Variants in SNX10 observed in about 807,000 individuals in gnomAD.
SNX10 encodes sorting nexin 10, also known as sorting nexin-10.
Under a neutral mutation model 28.5 loss-of-function variants are expected in SNX10, and 25 were observed. The ratio of observed to expected loss-of-function variants is 0.88; its 90% CI spans 0.64 to 1.22. The LOEUF (loss-of-function observed/expected upper bound fraction) is 1.22. Ranked by LOEUF, SNX10 falls within the 50% of genes most tolerant of loss-of-function variation. The probability of loss-of-function intolerance (pLI) is 0.00; values close to 1 mark genes in which losing one functional copy is unlikely to be tolerated. For missense variants in SNX10, 223 were observed against 242.6 expected, an observed-to-expected ratio of 0.92 and a Z score of 0.54; for synonymous variants, 62 against 81.4, an observed-to-expected ratio of 0.76 and a Z score of 1.28.
intron 2 of SNX10, among the ~76,000 whole-genome samples, chr7:26,355,136 G>C (rs1367292102): frequency 1.3e-5 from 2 of 152,112 alleles, no homozygotes; most frequent in Non-Finnish European, 2.9e-5. Flanking sequence ...TCAAAAATCA[G>C]GTGGGCGTAT....
At chr7:26,354,226 A>G (rs865892232) in intron 2 of SNX10, 2 of 152,256 alleles carry the variant, frequency 1.3e-5, no homozygotes, top group South Asian at 4.1e-4. Context: ...GTATTTCCCT[A>G]GTGGTTAACG....
At chr7:26,367,038 T>C (rs1254404739) in intron 5 of SNX10, among the ~76,000 whole-genome samples, 1 of 152,174 alleles carries the variant, frequency 6.6e-6, no homozygotes, top group Admixed American at 6.6e-5. Flanking sequence ...TGGTTTTTTT[T>C]CTAGCTGCAT....
At chr7:26,370,184 A>G (rs913987963) in intron 5 of SNX10, among the ~76,000 whole-genome samples, 18 of 152,252 alleles carry the variant, frequency 1.2e-4, no homozygotes, top group Non-Finnish European at 2.1e-4. Context: ...CTCTGCTCAG[A>G]CTTCACAGAC....
At position 26,342,794 on chromosome 7, in the gene SNX10, CTATTTTCTTTTT is replaced by C. The variant is rs375713738; in HGVS notation, c.-23-3610_-23-3599del. Among the ~76,000 whole-genome samples the C allele has an allele frequency of 6.3e-3, 965 of 152,030 alleles. 10 individuals carry two copies. Among genetic ancestry groups the C allele is most frequent in the African/African-American group, 0.021 (881 of 41,482 alleles). ...ACTGCTTTCAACTTTCCCAAGTTTC[CTATTTTCTTTTT>C]TATTTTCTTTTTTATATTTTGAGAC... On this transcript the variant is annotated intron_variant, in intron 1 of 6. Coordinates refer to ENST00000338523, the MANE Select transcript of SNX10 (RefSeq NM_013322.3).
At chr7:26,312,694 G>T (rs1786895544) in intron 1 of SNX10, among the ~76,000 whole-genome samples, 1 of 152,224 alleles carries the variant, frequency 6.6e-6, no homozygotes, top group African/African-American at 2.4e-5. Flanking sequence ...TGAGGCAAGA[G>T]AATCGCTTGA....
chr7:26,317,041 A>C (rs947254931), intron 1 of SNX10, among the ~76,000 whole-genome samples: 3 of 152,244 alleles, frequency 2.0e-5, no homozygotes, highest in African/African-American at 4.8e-5. Flanking sequence ...GGAGATGCTA[A>C]ATAAACAAGA....
chr7:26,347,173 C>T (rs1205689118), intron 2 of SNX10, among the ~76,000 whole-genome samples: 22 of 152,216 alleles, frequency 1.4e-4, no homozygotes, highest in Non-Finnish European at 3.1e-4. Flanking sequence ...CACATGGTCC[C>T]AGCTCACCCT....
intron 1 of SNX10, among the ~76,000 whole-genome samples, chr7:26,314,896 G>C (rs1787009144): frequency 6.6e-6 from 1 of 152,128 alleles, no homozygotes; most frequent in Non-Finnish European, 1.5e-5. Context: ...TACTCGGGAG[G>C]CTGAGGCATG....
rs139105679 is a variant in SNX10 at position 26,338,516 on chromosome 7, G to C, written c.-23-7904G>C. 8.4e-3 allele frequency among the ~76,000 whole-genome samples: 1,276 copies of C among 152,030 alleles called. 19 individuals carry two copies. Among genetic ancestry groups the C allele is most frequent in the African/African-American group, 0.029 (1,207 of 41,476 alleles). ...ATCTTGGTTCACGCCATTCTCCTAC[G>C]TCAGCCTCCCGAGTAGCTGGGACTA... On this transcript the variant is annotated intron_variant, in intron 1 of 6. Coordinates refer to ENST00000338523, the MANE Select transcript of SNX10 (RefSeq NM_013322.3).
intron 2 of SNX10, among the ~76,000 whole-genome samples, chr7:26,347,805 A>C (rs546367513): frequency 9.8e-5 from 15 of 152,306 alleles, no homozygotes; most frequent in African/African-American, 3.4e-4. Context: ...GGCTGAGATC[A>C]TGCCACTGCA....
intron 3 of SNX10, among the ~76,000 whole-genome samples, chr7:26,363,167 T>C (rs76797146): frequency 1.2e-3 from 176 of 152,302 alleles, no homozygotes; most frequent in African/African-American, 4.0e-3. Context: ...ACCCACAGGA[T>C]GTTATTTGCC....
intron 1 of SNX10, among the ~76,000 whole-genome samples, chr7:26,294,522 A>C (rs1175891068): frequency 1.3e-5 from 2 of 152,226 alleles, no homozygotes; most frequent in African/African-American, 4.8e-5. Context: ...ATTATGGGCC[A>C]GGCATTGTGA....
intron 2 of SNX10, among the ~76,000 whole-genome samples, chr7:26,347,723 G>A (rs756511965): frequency 3.0e-4 from 45 of 152,062 alleles, no homozygotes; most frequent in Non-Finnish European, 5.4e-4. Flanking sequence ...AGTGGCATGC[G>A]TCTGTAGTTC....
chr7:26,346,539 A>G, intron 2 of SNX10, 73 bp downstream of exon 2: 1 of 1,132,984 alleles, frequency 8.8e-7, no homozygotes, highest in South Asian at 1.2e-5. Flanking sequence ...TCATTTGCGA[A>G]CCATAAACCC....
At chr7:26,339,664 GA>G (rs1788103836) in intron 1 of SNX10, among the ~76,000 whole-genome samples, 1 of 151,490 alleles carries the variant, frequency 6.6e-6, no homozygotes, top group Non-Finnish European at 1.5e-5. Flanking sequence ...CGAGTAGCTG[GA>G]ATTACAGGGT....
intron 1 of SNX10, among the ~76,000 whole-genome samples, chr7:26,330,582 A>G (rs1444544155): frequency 6.6e-6 from 1 of 152,070 alleles, no homozygotes; most frequent in Non-Finnish European, 1.5e-5. Context: ...AAGGGTTAGA[A>G]GAGGAGAGGG....
intron 1 of SNX10, among the ~76,000 whole-genome samples, chr7:26,341,467 G>GTC (rs1788174656): frequency 3.3e-5 from 5 of 150,980 alleles, no homozygotes; most frequent in Non-Finnish European, 7.4e-5. Context: ...TGGCATAACA[G>GTC]TCTTTCAGTG....
At chr7:26,310,557 C>T (rs1786786366) in intron 1 of SNX10, among the ~76,000 whole-genome samples, 1 of 151,876 alleles carries the variant, frequency 6.6e-6, no homozygotes, top group African/African-American at 2.4e-5. Context: ...GGGGAGGTGG[C>T]CTTTAAACCA....
chr7:26,316,706 C>T (rs1301177332), intron 1 of SNX10, among the ~76,000 whole-genome samples: 1 of 152,130 alleles, frequency 6.6e-6, no homozygotes, highest in Non-Finnish European at 1.5e-5. Flanking sequence ...CCGAGGCGCA[C>T]AGAGGGTAAG....
Sources: allele counts gnomAD v4.1 joint callset (sites outside exome capture counted in the v4.1 genomes callset), GRCh38; gene constraint gnomAD v4.1.1; transcripts MANE v1.5; gene names NCBI Gene and HGNC (gene_info 2026-07-23, HGNC 2026-07-21).